The following ZNF250 variants were observed in gnomAD, a reference collection of about 807,000 sequenced individuals.
ZNF250 encodes zinc finger protein (clone 647).
In ZNF250, 13 loss-of-function variants were observed where a neutral mutation model predicts 37.1. The ratio of observed to expected loss-of-function variants is 0.35; its 90% CI spans 0.23 to 0.56. The LOEUF is 0.56. Ranked by LOEUF, ZNF250 falls within the 20% of genes least tolerant of loss-of-function variation. ZNF250 has a pLI of 0.87. For synonymous variants in ZNF250, 251 were observed against 265.6 expected, an observed-to-expected ratio of 0.94 and a Z score of 0.54; for missense variants, 474 against 697.9, an observed-to-expected ratio of 0.68 and a Z score of 3.61.
rs916985446 is a variant in ZNF250, at chr8:144,897,009, A to G, written c.-55+4390T>C. ...AAAACAAAAACAATAGATCAACGTTATTAGCAGCAACTGGCTTTCCAGTTT... is the reference window on the plus strand; with the variant it reads ...AAAACAAAAACAATAGATCAACGTTGTTAGCAGCAACTGGCTTTCCAGTTT... On this transcript the variant is annotated intron_variant, in intron 1 of 5. Transcript: ENST00000417550. The surrounding 1 kb of genome is among the most constrained non-coding windows in gnomAD (Gnocchi z 5.2). Among the ~76,000 whole-genome samples, 2 of 152,246 alleles carry G rather than the reference A, an allele frequency of 1.3e-5. No homozygotes were observed.
Position 144,881,691 on chromosome 8 carries a change from C to T in ZNF250, c.1492G>A (p.Gly498Ser). Residue 498 changes from glycine to serine, a missense_variant, in exon 6 of 6, where the codon GGC becomes AGC. Transcript: ENST00000417550. Reference sequence around the variant, plus strand: ...CTATTGCACTCATATGGCTTCTCGCCCGTGTGGGTCCTCAGGTGCACAATC... The same window carrying T: ...CTATTGCACTCATATGGCTTCTCGCTCGTGTGGGTCCTCAGGTGCACAATC... ...TLIVHLRTHT[G>S]EKPYECNSCG... 1 of 1,613,978 alleles carries T rather than the reference C, an allele frequency of 6.2e-7. No homozygotes were observed. Among genetic ancestry groups the T allele is most frequent in the Non-Finnish European group, 8.5e-7 (1 of 1,179,972 alleles).
chr8:144,886,761 G>T, intron 5 of ZNF250, 79 bp downstream of exon 5: 1 of 1,300,784 alleles, frequency 7.7e-7, no homozygotes, highest in South Asian at 1.2e-5. Context: ...GCACCGAGTC[G>T]CCTCTACATT....
chr8:144,884,036 C>T (rs1350698679), intron 5 of ZNF250, among the ~76,000 whole-genome samples: 2 of 152,100 alleles, frequency 1.3e-5, no homozygotes, highest in Non-Finnish European at 1.5e-5. Context: ...AGCCATTGTG[C>T]CTGGCTCTAA....
chr8:144,886,943 C>T lies in ZNF250; in HGVS notation c.284-41G>A, dbSNP rs999490936. 6 of 1,588,690 alleles carry T rather than the reference C, an allele frequency of 3.8e-6. No individual in the cohort carries two copies. The African/African-American group carries it at 8.1e-5, about 21-fold the overall frequency. On this transcript the variant is annotated intron_variant, in intron 4 of 5. Transcript: ENST00000417550. ...CGAGTTGAAGTGACAACAAAATACT[C>T]CCTTCAAGAGTGGAAAATCCTGGCC...
rs1234993436 is a variant in ZNF250 at position 144,890,883 on chromosome 8, C to CA, written c.-54-481dup. On this transcript the variant is annotated intron_variant, in intron 1 of 5. Transcript: ENST00000417550. This position sits in a 1 kb window ranked among gnomAD's most constrained non-coding sequence, Gnocchi z 5.1. ...ACCAGGGTGACAATAAGACTCCCCT[C>CA]ACCCCACCCTTAGGCAGCCCTAGTG... 1.3e-5 allele frequency among the ~76,000 whole-genome samples: 2 copies of CA among 152,194 alleles called. No individual in the cohort carries two copies. The highest frequency in any genetic ancestry group is 6.5e-5 in the Admixed American group (1 of 15,286).
Position 144,891,045 on chromosome 8 carries a change from G to A in ZNF250, c.-54-642C>T, listed in dbSNP as rs1047318597. 6.6e-6 allele frequency among the ~76,000 whole-genome samples: 1 copy of A among 152,156 alleles called. No individual in the cohort carries two copies. Among genetic ancestry groups the A allele is most frequent in the Non-Finnish European group, 1.5e-5 (1 of 68,010 alleles). The stretch of plus-strand genomic sequence containing the variant: ...GGAAGACTTGTCATCAAGTGAGAAG[G>A]GGATGCTTGGGGTAGTGGGGCTGGT... On this transcript the variant is annotated intron_variant, in intron 1 of 5. Transcript: ENST00000417550. The surrounding 1 kb of genome is among the most constrained non-coding windows in gnomAD (Gnocchi z 4.0).
At chr8:144,887,037 A>G in intron 4 of ZNF250, 135 bp from the exon 5 acceptor site, 1 of 691,798 alleles carries the variant, frequency 1.4e-6, no homozygotes, top group African/African-American at 1.8e-5. Flanking sequence ...ACTTGAGGTC[A>G]GAAGTTTGAG....
At position 144,881,254 on chromosome 8, in the gene ZNF250, C is replaced by T. The variant is rs773634711; in HGVS notation, c.*261G>A. The T allele has an allele frequency of 2.1e-5, 8 of 373,672 alleles. No homozygotes were observed. Among genetic ancestry groups the T allele is most frequent in the African/African-American group, 8.3e-5 (4 of 48,248 alleles). The allele number at this position is 373,672 out of a possible 1,614,324, so 23.1% of individuals were successfully genotyped here. On this transcript the variant is annotated 3_prime_UTR_variant, in exon 6 of 6. Transcript: ENST00000417550. ...ATAAACTAATGTTAAAGAATTATGG[C>T]TGTTTTTTACCAAAATTCTCTACAA...
At chr8:144,893,678 G>T (rs528606528) in intron 1 of ZNF250, among the ~76,000 whole-genome samples, 2 of 152,256 alleles carry the variant, frequency 1.3e-5, no homozygotes, top group South Asian at 4.1e-4. Flanking sequence ...TGGTCCCCTG[G>T]AAACCTGGCA....
At chr8:144,887,148 G>A (rs1831943352) in intron 4 of ZNF250, among the ~76,000 whole-genome samples, 1 of 150,750 alleles carries the variant, frequency 6.6e-6, no homozygotes, top group South Asian at 2.1e-4. Flanking sequence ...TACTAGGGAA[G>A]CTGAGGCAGG....
Position 144,882,822 on chromosome 8 carries a change from C to T in ZNF250, c.361G>A (p.Gly121Arg). Residue 121 changes from glycine to arginine, a missense_variant, in exon 6 of 6, where the codon GGA becomes AGA. Physicochemically the swap from Gly to Arg is moderately radical, Grantham distance 125. Transcript: ENST00000417550. The surrounding 1 kb of genome is among the most constrained non-coding windows in gnomAD (Gnocchi z 5.5). ...LSCPWECETK[G>R]ESQNTDLSPK... ...CTCAAGTCTGTATTTTGACTCTCTC[C>T]CTTGGTTTCACATTCTGAAAGAACA... 4.4e-6 allele frequency: 7 copies of T among 1,607,076 alleles called. No homozygotes were observed. The highest frequency in any genetic ancestry group is 1.3e-5 in the African/African-American group (1 of 74,546).
intron 1 of ZNF250, among the ~76,000 whole-genome samples, chr8:144,898,091 G>C (rs112210121): frequency 0.039 from 5,863 of 152,248 alleles, 358 homozygotes; most frequent in African/African-American, 0.13. Context: ...ACAGTCAGGA[G>C]TTCAAGACCA....
chr8:144,892,127 A>T (rs1832383900), intron 1 of ZNF250, among the ~76,000 whole-genome samples: 1 of 152,232 alleles, frequency 6.6e-6, no homozygotes, highest in African/African-American at 2.4e-5. Context: ...AGTTGGAGAG[A>T]GACTGACTTT....
Position 144,890,459 on chromosome 8 carries a change from G to C in ZNF250, c.-54-56C>G. 1 of 1,124,686 alleles carries C rather than the reference G, an allele frequency of 8.9e-7. No homozygotes were observed. The allele number at this position is 1,124,686 out of a possible 1,614,324, so 69.7% of individuals were successfully genotyped here. ...ATGGCCTTGAGACCGTAACTTCCTAGGGGGCCCTCAGGGGATCCCTGGGCC... is the reference window on the plus strand; with the variant it reads ...ATGGCCTTGAGACCGTAACTTCCTACGGGGCCCTCAGGGGATCCCTGGGCC... On this transcript the variant is annotated intron_variant, in intron 1 of 5. Coordinates refer to ENST00000417550, the MANE Select transcript of ZNF250 (RefSeq NM_001109689.4). This position sits in a 1 kb window ranked among gnomAD's most constrained non-coding sequence, Gnocchi z 5.1.
intron 5 of ZNF250, among the ~76,000 whole-genome samples, chr8:144,883,717 G>A (rs2129706538): frequency 6.6e-6 from 1 of 152,238 alleles, no homozygotes; most frequent in Non-Finnish European, 1.5e-5. Context: ...GTGCAGAGGG[G>A]CATGATGGGA....
Position 144,880,189 on chromosome 8 carries a change from C to T in ZNF250, c.*1326G>A, listed in dbSNP as rs1299262057. 4.4e-6 allele frequency: 1 copy of T among 225,670 alleles called. No individual in the cohort carries two copies. The highest frequency in any genetic ancestry group is 5.0e-5 in the Admixed American group (1 of 20,016). The allele number at this position is 225,670 out of a possible 1,614,324, so 14.0% of individuals were successfully genotyped here. A position where few individuals can be genotyped will look rare whatever the true frequency, so the allele number is the denominator to read the frequency against. On this transcript the variant is annotated 3_prime_UTR_variant, in exon 6 of 6. Transcript: ENST00000417550. ...TGGCAATGGATACTGGACTCTTGAA[C>T]CAGGAGTAAAAAAATGAAAAAAAAA...
Position 144,890,453 on chromosome 8 carries a change from T to C in ZNF250, c.-54-50A>G. The C allele has an allele frequency of 8.4e-7, 1 of 1,184,400 alleles. No individual in the cohort carries two copies. Among genetic ancestry groups the C allele is most frequent in the Non-Finnish European group, 1.1e-6 (1 of 885,390 alleles). 73.4% of individuals were successfully genotyped at this position (1,184,400 alleles called of 1,614,324 possible). A position where few individuals can be genotyped will look rare whatever the true frequency, so the allele number is the denominator to read the frequency against. On this transcript the variant is annotated intron_variant, in intron 1 of 5. Coordinates refer to ENST00000417550, the MANE Select transcript of ZNF250 (RefSeq NM_001109689.4). The surrounding 1 kb of genome is among the most constrained non-coding windows in gnomAD (Gnocchi z 5.1). ...AGGGGCATGGCCTTGAGACCGTAACTTCCTAGGGGGCCCTCAGGGGATCCC... is the reference window on the plus strand; with the variant it reads ...AGGGGCATGGCCTTGAGACCGTAACCTCCTAGGGGGCCCTCAGGGGATCCC...
chr8:144,895,837 G>A (rs1294993333), intron 1 of ZNF250, among the ~76,000 whole-genome samples: 5 of 151,382 alleles, frequency 3.3e-5, no homozygotes, highest in Non-Finnish European at 2.9e-5. Context: ...GTGAAACCCC[G>A]TCTCTACTAA....
At chr8:144,894,644 T>C (rs1011437183) in intron 1 of ZNF250, among the ~76,000 whole-genome samples, 1 of 151,054 alleles carries the variant, frequency 6.6e-6, no homozygotes, top group Non-Finnish European at 1.5e-5. Flanking sequence ...TGCCAGGCAA[T>C]GTACTTTTTT....
Sources: gnomAD v4.1 joint callset for allele counts (sites outside exome capture counted in the v4.1 genomes callset) on GRCh38, gnomAD v4.1.1 for gene constraint, Gnocchi (gnomAD v3.1) non-coding constraint, MANE v1.5 for transcripts, NCBI Gene and HGNC (gene_info 2026-07-23, HGNC 2026-07-21) for gene names.